OLFM3: variants seen among roughly 807,000 people sequenced by gnomAD.
The protein encoded by OLFM3 is noelin-3.
OLFM3 carries 20 observed loss-of-function variants against 48.6 expected under a neutral mutation model. That is an observed-to-expected ratio of 0.41 (90% CI 0.29 to 0.60). The LOEUF is 0.60. Among genes scored for constraint, OLFM3 ranks in the 20% least tolerant of loss-of-function variants. The probability of loss-of-function intolerance (pLI) is 0.28; values close to 1 mark genes in which losing one functional copy is unlikely to be tolerated. For synonymous variants in OLFM3, 222 were observed against 198.1 expected, an observed-to-expected ratio of 1.12 and a Z score of -1.01; for missense variants, 437 against 544.3, an observed-to-expected ratio of 0.80 and a Z score of 1.96.
intron 1 of OLFM3, among the ~76,000 whole-genome samples, chr1:101,865,274 T>G (rs1217728747): frequency 2.0e-5 from 3 of 152,140 alleles, no homozygotes; most frequent in African/African-American, 7.2e-5. Context: ...TAAAATGAAG[T>G]TGATTTAGTA....
chr1:101,924,336 T>C (rs1188879003), intron 1 of OLFM3, among the ~76,000 whole-genome samples: 1 of 152,218 alleles, frequency 6.6e-6, no homozygotes, highest in Non-Finnish European at 1.5e-5. Flanking sequence ...TTATGGATTT[T>C]ATTTTTATTC....
chr1:101,986,764 T>C (rs1403483023), intron 1 of OLFM3, among the ~76,000 whole-genome samples: 1 of 152,200 alleles, frequency 6.6e-6, no homozygotes, highest in Non-Finnish European at 1.5e-5. Flanking sequence ...CTAAGAAGTA[T>C]TAAGATTAGT....
intron 1 of OLFM3, among the ~76,000 whole-genome samples, chr1:101,891,018 C>A (rs1232265714): frequency 1.3e-5 from 2 of 151,916 alleles, no homozygotes; most frequent in East Asian, 3.9e-4. Context: ...TCTGGGAATT[C>A]AATTTAATGA....
intron 1 of OLFM3, among the ~76,000 whole-genome samples, chr1:101,960,520 G>A (rs1660435452): frequency 6.6e-6 from 1 of 152,178 alleles, no homozygotes. Context: ...CATTATTGCT[G>A]TATTTGCCAA....
chr1:101,833,525 G>A (rs913603111), intron 2 of OLFM3, among the ~76,000 whole-genome samples: 4 of 152,152 alleles, frequency 2.6e-5, no homozygotes, highest in East Asian at 1.9e-4. Context: ...TTATCTCTGC[G>A]GTTGTTCTAT....
In OLFM3 at chr1:101,846,935, A is replaced by T. The variant is rs748328055; in HGVS notation, c.70-9910T>A. ...TCCAGTTTGAGATCATTGCCATGGT[A>T]CTAAGCACAGCGCCAAGCTTCAGCA... On this transcript the variant is annotated intron_variant, in intron 1 of 5. Coordinates refer to ENST00000370103, the MANE Select transcript of OLFM3 (RefSeq NM_058170.4). 3.7e-6 allele frequency: 6 copies of T among 1,612,688 alleles called. No individual in the cohort carries two copies. The South Asian group carries it at 5.5e-5, about 15-fold the overall frequency.
At chr1:101,993,835 T>G (rs1199550066) in intron 1 of OLFM3, among the ~76,000 whole-genome samples, 1 of 151,934 alleles carries the variant, frequency 6.6e-6, no homozygotes, top group Non-Finnish European at 1.5e-5. Flanking sequence ...CAATGAATCT[T>G]GGCCATTTTT....
intron 1 of OLFM3, among the ~76,000 whole-genome samples, chr1:101,949,911 A>C (rs1205034310): frequency 2.2e-5 from 3 of 133,544 alleles, no homozygotes; most frequent in East Asian, 2.5e-4. Flanking sequence ...CAGCCTGGGC[A>C]ACAGAGCAAG....
chr1:101,991,867 C>T (rs962488286), intron 1 of OLFM3, among the ~76,000 whole-genome samples: 3 of 151,322 alleles, frequency 2.0e-5, no homozygotes, highest in East Asian at 3.9e-4. Flanking sequence ...AAGGCAAAAC[C>T]GAGAAGATGA....
At chr1:101,965,779 A>C (rs959306251) in intron 1 of OLFM3, among the ~76,000 whole-genome samples, 5 of 152,188 alleles carry the variant, frequency 3.3e-5, no homozygotes, top group Non-Finnish European at 5.9e-5. Flanking sequence ...TATTTTATGT[A>C]CTGAAGAGTC....
chr1:101,963,405 C>A (rs1323335926), intron 1 of OLFM3, among the ~76,000 whole-genome samples: 1 of 152,140 alleles, frequency 6.6e-6, no homozygotes, highest in African/African-American at 2.4e-5. Context: ...TTTTATGTGT[C>A]TAATTGCAGA....
intron 1 of OLFM3, among the ~76,000 whole-genome samples, chr1:101,960,108 G>T (rs1378275748): frequency 1.3e-5 from 2 of 152,114 alleles, no homozygotes; most frequent in Non-Finnish European, 2.9e-5. Context: ...TGGAGGAAAC[G>T]GGGCTGGGGC....
At chr1:101,882,331 A>T (rs147507051) in intron 1 of OLFM3, among the ~76,000 whole-genome samples, 6,790 of 107,328 alleles carry the variant, frequency 0.063, 318 homozygotes, top group East Asian at 0.25. Context: ...ATATATATAT[A>T]ATATATATAT....
intron 1 of OLFM3, among the ~76,000 whole-genome samples, chr1:101,974,451 G>T (rs1447208148): frequency 3.9e-5 from 6 of 152,106 alleles, no homozygotes; most frequent in African/African-American, 1.4e-4. Flanking sequence ...GTGCCTTAAA[G>T]ATCCTGATAC....
At chr1:101,990,210 T>A (rs1661360607) in intron 1 of OLFM3, among the ~76,000 whole-genome samples, 1 of 152,172 alleles carries the variant, frequency 6.6e-6, no homozygotes, top group Non-Finnish European at 1.5e-5. Flanking sequence ...ACTTGTAAGG[T>A]GACAAGTTTA....
intron 1 of OLFM3, among the ~76,000 whole-genome samples, chr1:101,946,150 GAAGGTAA>G (rs1570654668): frequency 1.3e-5 from 2 of 152,058 alleles, no homozygotes; most frequent in East Asian, 3.9e-4. Context: ...AAATACTGCA[GAAGGTAA>G]AAGAGAAAAG....
At chr1:101,961,402 T>C (rs971709675) in intron 1 of OLFM3, among the ~76,000 whole-genome samples, 2 of 152,058 alleles carry the variant, frequency 1.3e-5, no homozygotes, top group African/African-American at 4.8e-5. Flanking sequence ...TTATATTTCA[T>C]TCCTAGAACT....
chr1:101,854,970 C>T (rs1188303533), intron 1 of OLFM3, among the ~76,000 whole-genome samples: 1 of 151,982 alleles, frequency 6.6e-6, no homozygotes, highest in African/African-American at 2.4e-5. Flanking sequence ...CATCACTATG[C>T]AAAAGAAATG....
intron 1 of OLFM3, among the ~76,000 whole-genome samples, chr1:101,884,635 G>T (rs1351412767): frequency 1.3e-5 from 2 of 151,932 alleles, no homozygotes; most frequent in Non-Finnish European, 2.9e-5. Context: ...TTATAATCAG[G>T]ACTGCCCTAT....
Sources: allele counts gnomAD v4.1 joint callset (sites outside exome capture counted in the v4.1 genomes callset), GRCh38; gene constraint gnomAD v4.1.1; transcripts MANE v1.5; gene names NCBI Gene and HGNC (gene_info 2026-07-23, HGNC 2026-07-21).